TNRC18: variants seen among roughly 807,000 people sequenced by gnomAD.
TNRC18 encodes trinucleotide repeat-containing gene 18 protein.
Under a neutral mutation model 226.7 loss-of-function variants are expected in TNRC18, and 69 were observed. That is an observed-to-expected ratio of 0.30 (90% confidence interval 0.25 to 0.37). The LOEUF is 0.37. TNRC18 is among the 10% of genes least tolerant of loss of function. TNRC18 has a pLI of 1.00. For missense variants in TNRC18, 4,754 were observed against 4,256.6 expected, an observed-to-expected ratio of 1.12 and a Z score of -3.25; for synonymous variants, 2,449 against 1,927.6, an observed-to-expected ratio of 1.27 and a Z score of -7.09.
chr7:5,334,943 G>C (rs565554928), intron 18 of TNRC18, among the ~76,000 whole-genome samples: 1 of 152,200 alleles, frequency 6.6e-6, no homozygotes, highest in East Asian at 1.9e-4. Context: ...AAAAGAAATA[G>C]AGTCCCGCTG....
chr7:5,410,393 G>A (rs1227245406), intron 2 of TNRC18, among the ~76,000 whole-genome samples: 5 of 150,960 alleles, frequency 3.3e-5, no homozygotes, highest in African/African-American at 1.2e-4. Flanking sequence ...AGGAATACTA[G>A]AGAGAATAGC....
At position 5,375,973 on chromosome 7, in the gene TNRC18, G is replaced by T. The variant is rs961333632; in HGVS notation, c.2799+61C>A. The T allele has an allele frequency of 2.0e-6, 3 of 1,478,116 alleles. No individual in the cohort carries two copies. In the East Asian group the frequency reaches 7.4e-5, roughly 37 times the overall value. 91.6% of individuals were successfully genotyped at this position (1,478,116 alleles called of 1,614,324 possible). On this transcript the variant is annotated intron_variant, in intron 9 of 29. Coordinates refer to ENST00000430969, the MANE Select transcript of TNRC18 (RefSeq NM_001080495.3). ...GTCTGGAGATTCTGCTGGCTGACTC[G>T]TCTGCCTCGTCACCCATGGGGGCCC...
intron 18 of TNRC18, among the ~76,000 whole-genome samples, chr7:5,339,228 T>C (rs953937862): frequency 1.5e-5 from 2 of 131,000 alleles, no homozygotes; most frequent in Non-Finnish European, 3.5e-5. Context: ...TCTTTTTTTT[T>C]CTTTTTTTTT....
chr7:5,396,152 CAG>C (rs1040779065), intron 2 of TNRC18, among the ~76,000 whole-genome samples: 4 of 126,628 alleles, frequency 3.2e-5, no homozygotes, highest in Non-Finnish European at 4.8e-5. Flanking sequence ...GCCTGGGCGA[CAG>C]AGAGAGACTC....
At chr7:5,322,900 A>C (rs1448731717) in intron 21 of TNRC18, among the ~76,000 whole-genome samples, 1 of 152,216 alleles carries the variant, frequency 6.6e-6, no homozygotes, top group Non-Finnish European at 1.5e-5. Flanking sequence ...GGGCTTGGCC[A>C]TGTGGCTCTC....
intron 11 of TNRC18, among the ~76,000 whole-genome samples, chr7:5,363,189 GCTA>G (rs1793248369): frequency 6.6e-6 from 1 of 152,140 alleles, no homozygotes; most frequent in Admixed American, 6.5e-5. Context: ...TGGAATCCCA[GCTA>G]CTCGGGAGAC....
At chr7:5,372,826 C>G (rs1036714940) in intron 10 of TNRC18, among the ~76,000 whole-genome samples, 19 of 152,116 alleles carry the variant, frequency 1.2e-4, no homozygotes, top group Non-Finnish European at 2.6e-4. Context: ...AGATCAAGAC[C>G]AGCCTTGGCA....
At chr7:5,401,149 T>G (rs2128208985) in intron 2 of TNRC18, among the ~76,000 whole-genome samples, 1 of 149,908 alleles carries the variant, frequency 6.7e-6, no homozygotes, top group East Asian at 2.0e-4. Context: ...CAATGCAATC[T>G]TCCCTCTGCA....
At chr7:5,335,233 T>C (rs1032283170) in intron 18 of TNRC18, among the ~76,000 whole-genome samples, 3 of 126,722 alleles carry the variant, frequency 2.4e-5, no homozygotes, top group Non-Finnish European at 3.1e-5. Context: ...GACCCGGAGG[T>C]GGAGGCTGCA....
rs1392933711 is a variant in TNRC18 at position 5,388,406 on chromosome 7, C to G, written c.1418G>C (p.Arg473Thr). 1 of 1,498,102 alleles carries G rather than the reference C, an allele frequency of 6.7e-7. No homozygotes were observed. The highest frequency in any genetic ancestry group is 2.6e-5 in the East Asian group (1 of 37,804). 92.8% of individuals were successfully genotyped at this position (1,498,102 alleles called of 1,614,324 possible). Residue 473 changes from arginine (R) to threonine (T), a missense_variant, in exon 5 of 30, where the codon AGG (arginine) becomes ACG (threonine). Transcript: ENST00000430969. ...GCCGCGGGGCGCACGCTCGCAGGGCCTCGGGTCCGCCTCGGGCTTGAGCAG... is the reference window on the plus strand; with the variant it reads ...GCCGCGGGGCGCACGCTCGCAGGGCGTCGGGTCCGCCTCGGGCTTGAGCAG... ...KELLKPEADP[R>T]PCERAPRGPA...
In TNRC18 at chr7:5,347,499, C is replaced by A. The variant is rs531472927; in HGVS notation, c.5471-1689G>T. The stretch of plus-strand genomic sequence containing the variant: ...GCATGAGCCGCCACACCCAGCCCCC[C>A]CGCAAAAATTTTAAAATTAGCCAGG... On this transcript the variant is annotated intron_variant, in intron 17 of 29. Transcript: ENST00000430969. Among the ~76,000 whole-genome samples the A allele has an allele frequency of 1.2e-4, 18 of 151,636 alleles. No homozygotes were observed. The East Asian group carries it at 3.5e-3, about 30-fold the overall frequency.
intron 9 of TNRC18, among the ~76,000 whole-genome samples, chr7:5,375,744 C>CCAGTCCCCAAGG (rs370447642): frequency 1.3e-5 from 2 of 152,282 alleles, no homozygotes; most frequent in African/African-American, 2.4e-5. Flanking sequence ...TCACCCTTCC[C>CCAGTCCCCAAGG]CAGTCCCCAA....
At chr7:5,320,973 C>T in intron 22 of TNRC18, 100 bp downstream of exon 22, 1 of 888,314 alleles carries the variant, frequency 1.1e-6, no homozygotes, top group Non-Finnish European at 1.7e-6. Context: ...TCGGGGGAAA[C>T]CACAGCCCAG....
rs1787010776 is a variant in TNRC18 at position 5,309,982 on chromosome 7, A to G, written c.8389-614T>C. Among the ~76,000 whole-genome samples, 1 of 152,058 alleles carries G rather than the reference A, an allele frequency of 6.6e-6. No homozygotes were observed. Among genetic ancestry groups the G allele is most frequent in the Non-Finnish European group, 1.5e-5 (1 of 68,010 alleles). ...GGCAGGACTGCAGTGGTAATATCAT[A>G]GCTCACTGCAGCCTCGATCTCCTGG... On this transcript the variant is annotated intron_variant, in intron 27 of 29. Coordinates refer to ENST00000430969, the MANE Select transcript of TNRC18 (RefSeq NM_001080495.3). The surrounding 1 kb of genome is among the most constrained non-coding windows in gnomAD (Gnocchi z 5.7).
At chr7:5,415,097 C>G (rs1339214190) in intron 2 of TNRC18, among the ~76,000 whole-genome samples, 1 of 152,088 alleles carries the variant, frequency 6.6e-6, no homozygotes, top group Non-Finnish European at 1.5e-5. Flanking sequence ...TTTAAAATTC[C>G]AAGACCTCAT....
chr7:5,357,152 C>G lies in TNRC18; in HGVS notation c.4958G>C (p.Gly1653Ala), dbSNP rs763635674. The G allele has an allele frequency of 3.2e-6, 5 of 1,581,802 alleles. No homozygotes were observed. In the African/African-American group the frequency reaches 6.7e-5, roughly 21 times the overall value. The change falls in exon 16 of 30, where the codon GGG becomes GCG. Residue 1653 changes from glycine (G) to alanine (A), a missense_variant. Gly to Ala is a moderately conservative substitution (Grantham distance 60). Coordinates refer to ENST00000430969, the MANE Select transcript of TNRC18 (RefSeq NM_001080495.3). ...KSPFKFSDSA[G>A]GKSKTSGGCG... ...GCCCCCGCTAGTTTTCGATTTCCCCCCAGCACTGTCCGAAAACTTGAAGGG... is the reference window on the plus strand; with the variant it reads ...GCCCCCGCTAGTTTTCGATTTCCCCGCAGCACTGTCCGAAAACTTGAAGGG...
rs1315338100 is a variant in TNRC18 at position 5,394,628 on chromosome 7, GACA to G, written c.188-36_188-34del. 11 of 1,518,926 alleles carry G rather than the reference GACA, an allele frequency of 7.2e-6. No homozygotes were observed. The Admixed American group carries it at 2.5e-4, about 34-fold the overall frequency. 94.1% of individuals were successfully genotyped at this position (1,518,926 alleles called of 1,614,324 possible). ...GAGAAGTTGGGAGGACCGTCAGGCA[GACA>G]ACCAGGGAGGCGCCGCCGCCCCAGC... On this transcript the variant is annotated intron_variant, in intron 2 of 29. Coordinates refer to ENST00000430969, the MANE Select transcript of TNRC18 (RefSeq NM_001080495.3). The surrounding 1 kb of genome is among the most constrained non-coding windows in gnomAD (Gnocchi z 4.5).
chr7:5,344,308 G>C (rs937170274), intron 18 of TNRC18, among the ~76,000 whole-genome samples: 2 of 152,178 alleles, frequency 1.3e-5, no homozygotes, highest in African/African-American at 4.8e-5. Flanking sequence ...TGGAGGTTCT[G>C]GGCAGAAGAG....
Position 5,309,432 on chromosome 7 carries a change from A to G in TNRC18, c.8389-64T>C, listed in dbSNP as rs1277881237. The G allele has an allele frequency of 2.8e-6, 4 of 1,445,716 alleles. No homozygotes were observed. In the Admixed American group the frequency reaches 6.2e-5, roughly 22 times the overall value. The allele number at this position is 1,445,716 out of a possible 1,614,324, so 89.6% of individuals were successfully genotyped here. ...AGCCCCAAGGAGCCCGCCGCCTGGC[A>G]GGCTCTGCCGCTTGGGACTCTGGGC... On this transcript the variant is annotated intron_variant, in intron 27 of 29. Coordinates refer to ENST00000430969, the MANE Select transcript of TNRC18 (RefSeq NM_001080495.3). This position sits in a 1 kb window ranked among gnomAD's most constrained non-coding sequence, Gnocchi z 5.7.
Sources: allele counts gnomAD v4.1 joint callset (sites outside exome capture counted in the v4.1 genomes callset), GRCh38; gene constraint gnomAD v4.1.1; non-coding constraint Gnocchi (gnomAD v3.1); transcripts MANE v1.5; gene names NCBI Gene and HGNC (gene_info 2026-07-23, HGNC 2026-07-21).